Variants in MCOLN2 observed in about 807,000 individuals in gnomAD.
MCOLN2 encodes the protein mucolipin-2.
In MCOLN2, 57 loss-of-function variants were observed where a neutral mutation model predicts 67.5. That is an observed-to-expected ratio of 0.84 (90% CI 0.68 to 1.05). MCOLN2 has a LOEUF of 1.05. MCOLN2 is among the 50% of genes least tolerant of loss of function. MCOLN2 has a pLI of 0.00. For missense variants in MCOLN2, 620 were observed against 678.8 expected, an observed-to-expected ratio of 0.91 and a Z score of 0.96; for synonymous variants, 246 against 233.3, an observed-to-expected ratio of 1.05 and a Z score of -0.50.
intron 1 of MCOLN2, among the ~76,000 whole-genome samples, chr1:84,969,088 G>A (rs758613416): frequency 4.0e-5 from 6 of 151,074 alleles, no homozygotes; most frequent in Non-Finnish European, 8.9e-5. Flanking sequence ...TGTTGTACCC[G>A]GGGAGGGCAC....
Position 84,974,451 on chromosome 1 carries a change from C to T in MCOLN2, c.78-8743G>A, listed in dbSNP as rs570215551. Among the ~76,000 whole-genome samples the T allele has an allele frequency of 2.6e-5, 4 of 151,898 alleles. No homozygotes were observed. In the East Asian group the frequency reaches 7.9e-4, roughly 30 times the overall value. On this transcript the variant is annotated intron_variant, in intron 1 of 13. Coordinates refer to ENST00000370608, the MANE Select transcript of MCOLN2 (RefSeq NM_153259.4). Reference sequence around the variant, plus strand: ...TTGTCTTGCATCTTGGATACCGGCTCAGCCACAGCATGATAGGGTCAGAGT... The same window carrying T: ...TTGTCTTGCATCTTGGATACCGGCTTAGCCACAGCATGATAGGGTCAGAGT...
At chr1:84,993,595 C>T (rs1650997544) in intron 1 of MCOLN2, among the ~76,000 whole-genome samples, 5 of 144,990 alleles carry the variant, frequency 3.4e-5, no homozygotes, top group Admixed American at 2.1e-4. Context: ...TATAATGTTA[C>T]AAAATGTAGT....
Position 84,952,250 on chromosome 1 carries a change from T to C in MCOLN2, c.740A>G (p.Gln247Arg). The change falls in exon 6 of 14, where the codon CAG becomes CGG. Residue 247 changes from glutamine (Q) to arginine (R), a missense_variant. Transcript: ENST00000370608. The part of the protein sequence containing the change: ...SRELPDCYVF[Q>R]NTIIFDNKAH... ...TAAAACAAAGATACTTGCCGTATTC[T>C]GAAAGACATAACAGTCTGGTAACTC... 1 of 1,605,514 alleles carries C rather than the reference T, an allele frequency of 6.2e-7. No homozygotes were observed. The highest frequency in any genetic ancestry group is 8.5e-7 in the Non-Finnish European group (1 of 1,175,974).
In MCOLN2 at chr1:84,927,406, T is replaced by C. The variant is rs1379926461; in HGVS notation, c.1665-685A>G. On this transcript the variant is annotated intron_variant, in intron 13 of 13. Transcript: ENST00000370608. ...GCATCTGTTCAACCAAGCATCTCTC[T>C]CCAAAGAACCACATCGCTTTAGAAC... Among the ~76,000 whole-genome samples the C allele has an allele frequency of 2.0e-5, 3 of 152,130 alleles. No individual in the cohort carries two copies. The East Asian group carries it at 5.8e-4, about 29-fold the overall frequency.
chr1:84,984,715 GC>G (rs1424484265), intron 1 of MCOLN2, among the ~76,000 whole-genome samples: 1 of 152,160 alleles, frequency 6.6e-6, no homozygotes, highest in East Asian at 1.9e-4. Flanking sequence ...ACTCAATATG[GC>G]CAAATGTGGT....
chr1:84,987,183 TC>T (rs1345766459), intron 1 of MCOLN2, among the ~76,000 whole-genome samples: 1 of 115,646 alleles, frequency 8.6e-6, no homozygotes, highest in Non-Finnish European at 1.9e-5. Context: ...GGCATATCTA[TC>T]TATCTATCTA....
intron 1 of MCOLN2, among the ~76,000 whole-genome samples, chr1:84,983,032 T>C (rs1012188488): frequency 6.6e-6 from 1 of 151,956 alleles, no homozygotes; most frequent in Non-Finnish European, 1.5e-5. Context: ...TTTTTTTTTT[T>C]AATTCACAAG....
intron 11 of MCOLN2, chr1:84,937,516 C>T: frequency 9.6e-7 from 1 of 1,044,416 alleles, no homozygotes; most frequent in Admixed American, 4.2e-5. Context: ...CCCCTTAAGC[C>T]AGTCCCAGAC....
At chr1:84,947,859 A>G (rs1246096862) in intron 6 of MCOLN2, among the ~76,000 whole-genome samples, 1 of 152,248 alleles carries the variant, frequency 6.6e-6, no homozygotes, top group Non-Finnish European at 1.5e-5. Flanking sequence ...CTGCAACACC[A>G]TGACACTGGC....
At chr1:84,995,175 A>G (rs1262072451) in intron 1 of MCOLN2, among the ~76,000 whole-genome samples, 1 of 152,210 alleles carries the variant, frequency 6.6e-6, no homozygotes, top group Non-Finnish European at 1.5e-5. Flanking sequence ...ACAGATCACC[A>G]TAACAGATAT....
intron 7 of MCOLN2, 67 bp from the exon 8 acceptor site, chr1:84,941,058 G>A (rs1343586786): frequency 2.0e-6 from 2 of 1,017,380 alleles, no homozygotes; most frequent in African/African-American, 3.2e-5. Flanking sequence ...AAACAAAATG[G>A]CAGTGTGAAA....
intron 7 of MCOLN2, among the ~76,000 whole-genome samples, chr1:84,941,402 C>G (rs1291779348): frequency 2.6e-5 from 4 of 152,132 alleles, no homozygotes; most frequent in Non-Finnish European, 5.9e-5. Flanking sequence ...GAGGCTGAGG[C>G]AGAAGAATGG....
chr1:84,971,434 C>G (rs75674734), intron 1 of MCOLN2, among the ~76,000 whole-genome samples: 2,105 of 151,384 alleles, frequency 0.014, 53 homozygotes, highest in African/African-American at 0.049. Flanking sequence ...TCTGAGGGCT[C>G]TTTATTGCCT....
intron 7 of MCOLN2, among the ~76,000 whole-genome samples, chr1:84,946,524 C>T (rs1420252308): frequency 6.6e-6 from 1 of 152,140 alleles, no homozygotes; most frequent in East Asian, 1.9e-4. Flanking sequence ...TTTTGGAATA[C>T]TTGCATTATA....
chr1:84,978,815 C>T (rs149286854), intron 1 of MCOLN2, among the ~76,000 whole-genome samples: 6 of 152,180 alleles, frequency 3.9e-5, no homozygotes, highest in African/African-American at 1.4e-4. Context: ...TATATACACA[C>T]ACACACATAT....
At chr1:84,926,887 C>T (rs1661185951) in intron 13 of MCOLN2, among the ~76,000 whole-genome samples, 166 bp from the exon 14 acceptor site, 1 of 151,948 alleles carries the variant, frequency 6.6e-6, no homozygotes, top group Non-Finnish European at 1.5e-5. Flanking sequence ...GATTATTTAC[C>T]AACATTCAGA....
intron 12 of MCOLN2, among the ~76,000 whole-genome samples, chr1:84,930,132 G>A (rs1661339561): frequency 6.6e-6 from 1 of 151,920 alleles, no homozygotes; most frequent in African/African-American, 2.4e-5. Context: ...CCATGGTGGT[G>A]TGCACCTGTA....
chr1:84,937,690 C>G, intron 11 of MCOLN2, 65 bp downstream of exon 11: 1 of 1,597,592 alleles, frequency 6.3e-7, no homozygotes, highest in Non-Finnish European at 8.5e-7. Flanking sequence ...CAAGTAAGTG[C>G]TAGAAACCCA....
In MCOLN2 at chr1:84,933,533, T is replaced by C. The variant is rs114574915; in HGVS notation, c.1336-1965A>G. On this transcript the variant is annotated intron_variant, in intron 11 of 13. Transcript: ENST00000370608. ...TAAAACAGGCGATTGCCAGAGTAAA[T>C]ATTTTCCATACGCTACACAAGCCTT... Among the ~76,000 whole-genome samples the C allele has an allele frequency of 8.6e-3, 1,312 of 152,296 alleles. 15 individuals are homozygous for C. The highest frequency in any genetic ancestry group is 0.031 in the African/African-American group (1,269 of 41,560).
Sources: gnomAD v4.1 joint callset for allele counts (sites outside exome capture counted in the v4.1 genomes callset) on GRCh38, gnomAD v4.1.1 for gene constraint, MANE v1.5 for transcripts, NCBI Gene and HGNC (gene_info 2026-07-23, HGNC 2026-07-21) for gene names.